The following AHR variants were observed in gnomAD, a reference collection of about 807,000 sequenced individuals.
The protein encoded by AHR is AH-receptor.
AHR carries 40 observed loss-of-function variants against 86.8 expected under a neutral mutation model. The observed-to-expected ratio is 0.46, with a 90% CI of 0.36 to 0.60. The LOEUF is 0.60. Among genes scored for constraint, AHR ranks in the 20% least tolerant of loss-of-function variants. The pLI, the probability that AHR is intolerant of heterozygous loss-of-function variation, is 0.00. For missense variants in AHR, 1,001 were observed against 1,011.6 expected, an observed-to-expected ratio of 0.99 and a Z score of 0.14; for synonymous variants, 398 against 354.9, an observed-to-expected ratio of 1.12 and a Z score of -1.37.
Position 17,322,550 on chromosome 7 carries a change from T to C in AHR, c.303T>C (p.Cys101=). The change falls in exon 3 of 11, where the codon TGT becomes TGC. Residue 101 remains cysteine, a synonymous_variant. Transcript: ENST00000242057. ...PTERNGGQDN[C]RAANFREGLN... is the part of the protein sequence containing the mutation. ...AAAGAAACGGAGGCCAGGATAACTG[T>C]AGAGCAGCAAATTTCAGAGAAGGCC... is the stretch of plus-strand genomic sequence containing the variant. 1.2e-6 allele frequency: 2 copies of C among 1,613,130 alleles called. No individual in the cohort carries two copies. The highest frequency in any genetic ancestry group is 8.5e-7 in the Non-Finnish European group (1 of 1,179,334).
chr7:17,314,277 A>G (rs1163561130), intron 2 of AHR, among the ~76,000 whole-genome samples: 1 of 152,088 alleles, frequency 6.6e-6, no homozygotes, highest in East Asian at 1.9e-4. Context: ...GGAAAATCTA[A>G]GTCTTGAATC....
At position 17,298,916 on chromosome 7, in the gene AHR, G is replaced by C; in HGVS notation, c.-349G>C. The C allele has an allele frequency of 2.4e-6, 1 of 411,108 alleles. No individual in the cohort carries two copies. The highest frequency in any genetic ancestry group is 4.3e-6 in the Non-Finnish European group (1 of 234,366). The allele number at this position is 411,108 out of a possible 1,614,324, so 25.5% of individuals were successfully genotyped here. ...ACCCAGGCCAGGATTCTAAATAGAC[G>C]GCCCAGGCTCCTCCTCCGCCCGGGC... On this transcript the variant is annotated 5_prime_UTR_variant, in exon 1 of 11. Coordinates refer to ENST00000242057, the MANE Select transcript of AHR (RefSeq NM_001621.5).
intron 2 of AHR, among the ~76,000 whole-genome samples, chr7:17,315,465 G>C (rs915359456): frequency 1.3e-5 from 2 of 151,834 alleles, no homozygotes; most frequent in Admixed American, 1.3e-4. Flanking sequence ...TAAATTTACT[G>C]ATTTAATGGA....
intron 6 of AHR, among the ~76,000 whole-genome samples, chr7:17,333,419 CT>C (rs1435539071): frequency 1.3e-5 from 2 of 151,868 alleles, no homozygotes; most frequent in Admixed American, 6.6e-5. Flanking sequence ...GCTCTGCATT[CT>C]TTATATGTTT....
intron 2 of AHR, among the ~76,000 whole-genome samples, chr7:17,316,434 C>T (rs149459011): frequency 5.1e-4 from 78 of 152,192 alleles, no homozygotes; most frequent in African/African-American, 1.7e-3. Flanking sequence ...GCCAGGACAA[C>T]GTAGTGAGAC....
intron 8 of AHR, 47 bp from the exon 9 acceptor site, chr7:17,335,598 A>G (rs767142690): frequency 2.9e-5 from 42 of 1,466,552 alleles, no homozygotes; most frequent in Non-Finnish European, 1.3e-5. Context: ...AATCTTTACT[A>G]TATTGATTTG....
intron 1 of AHR, among the ~76,000 whole-genome samples, chr7:17,307,463 A>G (rs1782017301): frequency 6.6e-6 from 1 of 152,112 alleles, no homozygotes; most frequent in African/African-American, 2.4e-5. Flanking sequence ...GGGACTTGAA[A>G]CCAATGGGAC....
At chr7:17,318,371 C>G (rs1782137361) in intron 2 of AHR, among the ~76,000 whole-genome samples, 1 of 152,108 alleles carries the variant, frequency 6.6e-6, no homozygotes, top group Non-Finnish European at 1.5e-5. Flanking sequence ...AAACTTGAGT[C>G]ATCTGTGGTA....
At chr7:17,324,777 G>A (rs1203765802) in intron 3 of AHR, among the ~76,000 whole-genome samples, 18 of 151,398 alleles carry the variant, frequency 1.2e-4, no homozygotes, top group South Asian at 2.1e-4. Context: ...ACTCCAGCCC[G>A]GGTGACAATG....
intron 3 of AHR, among the ~76,000 whole-genome samples, 176 bp downstream of exon 3, chr7:17,322,783 A>G (rs1584035989): frequency 6.6e-6 from 1 of 152,202 alleles, no homozygotes; most frequent in Middle Eastern, 3.4e-3. Context: ...AATTATAGTC[A>G]TGCACCATAT....
intron 9 of AHR, among the ~76,000 whole-genome samples, chr7:17,336,380 A>T (rs1782355002): frequency 6.6e-6 from 1 of 152,078 alleles, no homozygotes; most frequent in South Asian, 2.1e-4. Context: ...GTGTTGTTCT[A>T]TTAATAGCTC....
intron 2 of AHR, among the ~76,000 whole-genome samples, chr7:17,321,703 C>T (rs1357551438): frequency 2.0e-5 from 3 of 151,856 alleles, no homozygotes; most frequent in African/African-American, 7.2e-5. Flanking sequence ...CTTTCCTTCA[C>T]ATATATAATC....
chr7:17,342,889 C>T, intron 10 of AHR, 32 bp from the exon 11 acceptor site: 2 of 1,601,254 alleles, frequency 1.2e-6, no homozygotes, highest in South Asian at 1.1e-5. Context: ...AAGATCTATT[C>T]CAATAAGTTG....
At chr7:17,335,124 C>T in intron 8 of AHR, 128 bp downstream of exon 8, 1 of 578,732 alleles carries the variant, frequency 1.7e-6, no homozygotes. Flanking sequence ...AGTAACATAT[C>T]ATTATGATTA....
intron 2 of AHR, among the ~76,000 whole-genome samples, chr7:17,318,751 G>A (rs957757035): frequency 5.9e-5 from 9 of 152,078 alleles, no homozygotes; most frequent in African/African-American, 1.4e-4. Context: ...ACAATTTACA[G>A]TTTTGAAGTA....
intron 3 of AHR, among the ~76,000 whole-genome samples, chr7:17,327,530 A>G (rs1236890225): frequency 6.6e-6 from 1 of 151,962 alleles, no homozygotes; most frequent in Non-Finnish European, 1.5e-5. Flanking sequence ...TCCATATTCT[A>G]CCAAAGTTAT....
At chr7:17,334,630 T>C (rs144731237) in intron 7 of AHR, among the ~76,000 whole-genome samples, 1 of 152,172 alleles carries the variant, frequency 6.6e-6, no homozygotes, top group African/African-American at 2.4e-5. Flanking sequence ...TCTGCTCTAT[T>C]AGATTCATTT....
At chr7:17,322,674 CTT>C in intron 3 of AHR, 67 bp downstream of exon 3, 1 of 1,048,908 alleles carries the variant, frequency 9.5e-7, no homozygotes, top group South Asian at 1.4e-5. Flanking sequence ...ATTAATAAGT[CTT>C]TTAGTAATTC....
At chr7:17,335,474 CA>C (rs1390017490) in intron 8 of AHR, among the ~76,000 whole-genome samples, 170 bp from the exon 9 acceptor site, 1 of 151,872 alleles carries the variant, frequency 6.6e-6, no homozygotes, top group African/African-American at 2.4e-5. Flanking sequence ...AAATTTAAAA[CA>C]ACTCTGAAAA....
Sources: allele counts gnomAD v4.1 joint callset (sites outside exome capture counted in the v4.1 genomes callset), GRCh38; gene constraint gnomAD v4.1.1; transcripts MANE v1.5; gene names NCBI Gene and HGNC (gene_info 2026-07-23, HGNC 2026-07-21).